MYH10: variants seen among roughly 807,000 people sequenced by gnomAD.
MYH10 encodes myosin heavy chain 10, also known as myosin-10.
In MYH10, 55 loss-of-function variants were observed where a neutral mutation model predicts 257.8. The observed-to-expected ratio is 0.21, with a 90% CI of 0.17 to 0.27. MYH10 has a LOEUF of 0.27. Among genes scored for constraint, MYH10 ranks in the 10% least tolerant of loss-of-function variants. MYH10 has a pLI of 1.00. For synonymous variants in MYH10, 854 were observed against 921.7 expected, an observed-to-expected ratio of 0.93 and a Z score of 1.33; for missense variants, 1,631 against 2,500.6, an observed-to-expected ratio of 0.65 and a Z score of 7.42.
intron 7 of MYH10, among the ~76,000 whole-genome samples, chr17:8,555,752 G>A (rs2082772272): frequency 6.6e-6 from 1 of 152,048 alleles, no homozygotes; most frequent in Non-Finnish European, 1.5e-5. Flanking sequence ...TAGACAGAAT[G>A]CAAAAAGCAT....
At chr17:8,563,362 A>C (rs2151987129) in intron 7 of MYH10, among the ~76,000 whole-genome samples, 1 of 152,352 alleles carries the variant, frequency 6.6e-6, no homozygotes, top group Non-Finnish European at 1.5e-5. Flanking sequence ...TAAGCCATGG[A>C]CTGATTAGAA....
Position 8,535,350 on chromosome 17 carries a change from C to A in MYH10, c.1894+37G>T. On this transcript the variant is annotated intron_variant, in intron 16 of 42. Transcript: ENST00000360416. The surrounding 1 kb of genome is among the most constrained non-coding windows in gnomAD (Gnocchi z 4.3). ...TATAAACCTTAATTATAAAAGATTC[C>A]AGCCAAGCATGATTACAAAGATAAG... 1 of 1,483,462 alleles carries A rather than the reference C, an allele frequency of 6.7e-7. No homozygotes were observed. Among genetic ancestry groups the A allele is most frequent in the Non-Finnish European group, 9.4e-7 (1 of 1,068,728 alleles). 91.9% of individuals were successfully genotyped at this position (1,483,462 alleles called of 1,614,324 possible).
intron 2 of MYH10, among the ~76,000 whole-genome samples, chr17:8,609,321 G>C (rs2084937113): frequency 1.3e-5 from 2 of 151,828 alleles, no homozygotes; most frequent in African/African-American, 4.8e-5. Context: ...CCCAACTGTA[G>C]CTCTCAGAAG....
chr17:8,561,997 TA>T (rs1425434324), intron 7 of MYH10, among the ~76,000 whole-genome samples: 2 of 152,202 alleles, frequency 1.3e-5, no homozygotes, highest in Non-Finnish European at 2.9e-5. Flanking sequence ...ATATATTTGG[TA>T]ACCAATAAAT....
intron 31 of MYH10, 78 bp downstream of exon 31, chr17:8,495,058 TG>T: frequency 2.3e-6 from 2 of 882,052 alleles, no homozygotes. Flanking sequence ...AAGGCAATTC[TG>T]GGGCCAGCAT....
chr17:8,613,899 A>T (rs1658700291), intron 2 of MYH10, among the ~76,000 whole-genome samples: 1 of 152,220 alleles, frequency 6.6e-6, no homozygotes, highest in Non-Finnish European at 1.5e-5. Flanking sequence ...TAATCCAAAA[A>T]AAAAAGGCTA....
chr17:8,577,988 C>T (rs1048001826), intron 4 of MYH10, among the ~76,000 whole-genome samples: 1 of 152,182 alleles, frequency 6.6e-6, no homozygotes, highest in Non-Finnish European at 1.5e-5. Context: ...ATATCTGGCA[C>T]TGCAAACAGA....
intron 7 of MYH10, among the ~76,000 whole-genome samples, chr17:8,558,144 TTTTTG>T (rs1176696945): frequency 6.6e-6 from 1 of 152,194 alleles, no homozygotes; most frequent in East Asian, 1.9e-4. Context: ...TTTGTTTGGA[TTTTTG>T]TTTTAATAGG....
At chr17:8,502,559 C>T (rs2080931046) in intron 28 of MYH10, among the ~76,000 whole-genome samples, 1 of 151,960 alleles carries the variant, frequency 6.6e-6, no homozygotes, top group African/African-American at 2.4e-5. Flanking sequence ...CTTCTCTTCT[C>T]CAGGCTGAAC....
rs1912439426 is a variant in MYH10, at chr17:8,475,673, T to C, written c.*131A>G. On this transcript the variant is annotated 3_prime_UTR_variant, in exon 43 of 43. Coordinates refer to ENST00000360416, the MANE Select transcript of MYH10 (RefSeq NM_001256012.3). ...GAAGCAGGATACAGTATGCATAGGC[T>C]GGAGAGCCTTAAGACACAGTTGATC... 1 of 1,090,498 alleles carries C rather than the reference T, an allele frequency of 9.2e-7. No individual in the cohort carries two copies. Among genetic ancestry groups the C allele is most frequent in the Non-Finnish European group, 1.3e-6 (1 of 750,916 alleles). The allele number at this position is 1,090,498 out of a possible 1,614,324, so 67.6% of individuals were successfully genotyped here.
chr17:8,629,425 C>T (rs2085813538), intron 1 of MYH10, among the ~76,000 whole-genome samples: 1 of 139,814 alleles, frequency 7.2e-6, no homozygotes, highest in African/African-American at 2.6e-5. Context: ...GAGATAACGG[C>T]TGTAGGCAGA....
At chr17:8,501,318 G>C (rs1298968927) in intron 28 of MYH10, among the ~76,000 whole-genome samples, 1 of 152,064 alleles carries the variant, frequency 6.6e-6, no homozygotes, top group Non-Finnish European at 1.5e-5. Flanking sequence ...CAAACAACCA[G>C]TGCAACTTCC....
At chr17:8,487,352 CA>C (rs1370307539) in intron 36 of MYH10, 80 bp downstream of exon 36, 9 of 1,553,174 alleles carry the variant, frequency 5.8e-6, no homozygotes, top group African/African-American at 1.4e-5. Context: ...CTGTGCCCCC[CA>C]GCTTCACTGC....
At chr17:8,549,075 G>A (rs1032222698) in intron 9 of MYH10, among the ~76,000 whole-genome samples, 29 of 152,208 alleles carry the variant, frequency 1.9e-4, no homozygotes, top group South Asian at 4.1e-4. Context: ...GGTTATCTGC[G>A]AAATGATGTC....
chr17:8,549,525 A>G (rs574978996), intron 9 of MYH10, among the ~76,000 whole-genome samples: 68 of 152,320 alleles, frequency 4.5e-4, no homozygotes, highest in African/African-American at 1.5e-3. Flanking sequence ...CAGATATGCA[A>G]ATATGCTCCC....
chr17:8,586,346 C>A (rs1206080267), intron 4 of MYH10, among the ~76,000 whole-genome samples: 1 of 152,054 alleles, frequency 6.6e-6, no homozygotes, highest in African/African-American at 2.4e-5. Context: ...GTCCCCTGAA[C>A]CCAAGTTGCA....
chr17:8,577,598 C>T (rs1165223216), intron 4 of MYH10, among the ~76,000 whole-genome samples: 1 of 152,192 alleles, frequency 6.6e-6, no homozygotes, highest in African/African-American at 2.4e-5. Flanking sequence ...GTGGCGCGAT[C>T]TTGGCTCACT....
chr17:8,507,724 C>A (rs1204491252), intron 26 of MYH10, among the ~76,000 whole-genome samples: 2 of 152,232 alleles, frequency 1.3e-5, no homozygotes, highest in African/African-American at 4.8e-5. Flanking sequence ...GTAATCCCAG[C>A]ACTCTGGGAG....
At chr17:8,579,004 GGCCGGCC>G (rs2083601544) in intron 4 of MYH10, among the ~76,000 whole-genome samples, 1 of 151,938 alleles carries the variant, frequency 6.6e-6, no homozygotes, top group Non-Finnish European at 1.5e-5. Flanking sequence ...GCACTATTTG[GGCCGGCC>G]ACAGGGGCTC....
Sources: allele counts gnomAD v4.1 joint callset (sites outside exome capture counted in the v4.1 genomes callset), GRCh38; gene constraint gnomAD v4.1.1; non-coding constraint Gnocchi (gnomAD v3.1); transcripts MANE v1.5; gene names NCBI Gene and HGNC (gene_info 2026-07-23, HGNC 2026-07-21).